KMT2C: variants seen among roughly 807,000 people sequenced by gnomAD.
KMT2C encodes histone-lysine N-methyltransferase 2C.
Under a neutral mutation model 507.9 loss-of-function variants are expected in KMT2C, and 88 were observed. The observed-to-expected ratio is 0.17, with a 90% CI of 0.15 to 0.21. The LOEUF (loss-of-function observed/expected upper bound fraction) is 0.21. KMT2C is among the 10% of genes least tolerant of loss of function. KMT2C has a pLI of 1.00. For missense variants in KMT2C, 4,954 were observed against 5,957.8 expected (o/e 0.83, Z 5.55); for synonymous variants, 2,049 against 2,080.8 (o/e 0.98, Z 0.42).
At chr7:152,397,392 G>A (rs1489280698) in intron 1 of KMT2C, among the ~76,000 whole-genome samples, 4 of 151,976 alleles carry the variant, frequency 2.6e-5, no homozygotes, top group African/African-American at 9.7e-5. Flanking sequence ...ATCTGTCAAG[G>A]TTACTTTCAC....
chr7:152,284,742 A>C (rs2096269241), intron 6 of KMT2C, among the ~76,000 whole-genome samples: 1 of 152,162 alleles, frequency 6.6e-6, no homozygotes. Context: ...AATTGGAAAA[A>C]AATGGTAGAG....
rs267601429 is a variant in KMT2C at position 152,183,024 on chromosome 7, G to C, written c.5215C>G (p.Pro1739Ala). The change falls in exon 35 of 59, where the codon CCT becomes GCT. Residue 1739 changes from proline to alanine, a missense_variant. Physicochemically the swap from Pro to Ala is conservative, Grantham distance 27. This residue lies in a region of KMT2C where 58 missense variants were observed against 63.3 expected (regional missense o/e 0.92). Transcript: ENST00000262189. The part of the protein sequence containing the change: ...SRIDSELFKD[P>A]LKQRESEHEQ... ...TGTTCTGATTCTCTTTGCTTTAAAG[G>C]ATCTTTAAAAAGCTCCGAATCAATA... 2 of 1,608,654 alleles carry C rather than the reference G, an allele frequency of 1.2e-6. No homozygotes were observed. The highest frequency in any genetic ancestry group is 4.5e-5 in the East Asian group (2 of 44,766).
rs766107382 is a variant in KMT2C at position 152,167,227 on chromosome 7, C to G, written c.9669G>C (p.Gly3223=). The G allele has an allele frequency of 1.2e-6, 2 of 1,614,136 alleles. No individual in the cohort carries two copies. The highest frequency in any genetic ancestry group is 4.5e-5 in the East Asian group (2 of 44,882). The change falls in exon 42 of 59, where the codon GGG becomes GGC. Residue 3223 remains glycine (G), a synonymous_variant. Transcript: ENST00000262189. The part of the protein sequence containing the change: ...SAKQRTAKKA[G]REFPEEDAEQ... ...CTGCATCTTCCTCTGGAAATTCACGCCCAGCTTTCTTGGCAGTACGTTGTT... is the reference window on the plus strand; with the variant it reads ...CTGCATCTTCCTCTGGAAATTCACGGCCAGCTTTCTTGGCAGTACGTTGTT...
At chr7:152,309,824 A>G in intron 6 of KMT2C, 142 bp downstream of exon 6, 1 of 597,302 alleles carries the variant, frequency 1.7e-6, no homozygotes, top group East Asian at 3.0e-5. Flanking sequence ...CCTGGCCTAG[A>G]ATTTCTCTTA....
chr7:152,258,805 C>T (rs1588659617), intron 9 of KMT2C, among the ~76,000 whole-genome samples: 2 of 152,268 alleles, frequency 1.3e-5, no homozygotes, highest in South Asian at 2.1e-4. Flanking sequence ...AGATTATAGG[C>T]ATGAGCCACC....
chr7:152,153,704 G>A (rs1374646092), intron 48 of KMT2C, among the ~76,000 whole-genome samples: 2 of 150,436 alleles, frequency 1.3e-5, no homozygotes, highest in Non-Finnish European at 2.9e-5. Flanking sequence ...CTCCAGCCTG[G>A]GCAACAGAAG....
At chr7:152,368,215 C>A in intron 1 of KMT2C, 1 of 887,910 alleles carries the variant, frequency 1.1e-6, no homozygotes, top group Non-Finnish European at 1.9e-6. Context: ...AAGAAATATG[C>A]TGATAAAAAC....
intron 3 of KMT2C, among the ~76,000 whole-genome samples, chr7:152,326,445 A>G (rs2096829348): frequency 6.6e-6 from 1 of 152,132 alleles, no homozygotes; most frequent in South Asian, 2.1e-4. Context: ...AAATATTCTA[A>G]AAAATACCAT....
chr7:152,322,545 C>G (rs1212149091), intron 3 of KMT2C, among the ~76,000 whole-genome samples: 1 of 151,946 alleles, frequency 6.6e-6, no homozygotes, highest in Non-Finnish European at 1.5e-5. Flanking sequence ...TCTCACATAA[C>G]ACAAAAAATC....
intron 6 of KMT2C, among the ~76,000 whole-genome samples, chr7:152,294,437 AG>A (rs1456447599): frequency 6.6e-6 from 1 of 152,232 alleles, no homozygotes; most frequent in African/African-American, 2.4e-5. Flanking sequence ...AGACAGATTA[AG>A]AAGTGAAGAC....
chr7:152,361,906 CATT>C (rs1285790004), intron 1 of KMT2C, among the ~76,000 whole-genome samples: 4 of 152,072 alleles, frequency 2.6e-5, no homozygotes, highest in African/African-American at 9.7e-5. Flanking sequence ...ATAGATGAAA[CATT>C]ATAGTTTGAA....
chr7:152,146,572 A>G (rs201721723), intron 53 of KMT2C, 27 bp downstream of exon 53: 15 of 1,612,110 alleles, frequency 9.3e-6, no homozygotes, highest in African/African-American at 1.3e-5. Context: ...AGCAATTCCA[A>G]TCTCAAAGCC....
intron 1 of KMT2C, among the ~76,000 whole-genome samples, chr7:152,363,575 GGAAA>G: frequency 6.6e-6 from 1 of 152,218 alleles, no homozygotes; most frequent in African/African-American, 2.4e-5. Context: ...GGGAACAAAG[GGAAA>G]GAAACAGGGT....
chr7:152,235,948 G>C lies in KMT2C; in HGVS notation c.2653-15C>G, dbSNP rs113470386. 7.5e-6 allele frequency: 8 copies of C among 1,062,064 alleles called. No homozygotes were observed. Among genetic ancestry groups the C allele is most frequent in the Middle Eastern group, 3.1e-4 (1 of 3,188 alleles). 65.8% of individuals were successfully genotyped at this position (1,062,064 alleles called of 1,614,324 possible). On this transcript the variant is annotated splice_polypyrimidine_tract_variant and intron_variant, in intron 15 of 58. Transcript: ENST00000262189. ...GACCCACGGCCCTATGTAACAGATT[G>C]GGAAAAGTCAACATTCTGTGACAGA... is the stretch of plus-strand genomic sequence containing the variant.
At chr7:152,365,521 CAAACAA>C (rs2097235502) in intron 1 of KMT2C, among the ~76,000 whole-genome samples, 6 of 152,150 alleles carry the variant, frequency 3.9e-5, no homozygotes, top group African/African-American at 1.4e-4. Context: ...AACAAACAAA[CAAACAA>C]ACAGTTAACT....
At chr7:152,219,593 AC>A (rs1391206565) in intron 23 of KMT2C, among the ~76,000 whole-genome samples, 77 of 152,126 alleles carry the variant, frequency 5.1e-4, no homozygotes, top group Middle Eastern at 3.4e-3. Context: ...AAAAAAAAAA[AC>A]AAAAAACTAT....
intron 6 of KMT2C, among the ~76,000 whole-genome samples, chr7:152,294,200 C>T (rs973158252): frequency 2.0e-5 from 3 of 152,164 alleles, no homozygotes; most frequent in Admixed American, 6.5e-5. Context: ...ATATGCCTAA[C>T]GGCATTCCAA....
intron 20 of KMT2C, among the ~76,000 whole-genome samples, chr7:152,223,480 C>T (rs925535302): frequency 2.0e-5 from 3 of 152,014 alleles, no homozygotes; most frequent in African/African-American, 7.2e-5. Context: ...CCTAAACCCT[C>T]AAAAAGGCCT....
chr7:152,427,630 C>T (rs2097831586), intron 1 of KMT2C, among the ~76,000 whole-genome samples: 1 of 152,164 alleles, frequency 6.6e-6, no homozygotes, highest in Non-Finnish European at 1.5e-5. Context: ...GTCCATTTGT[C>T]ATGAGAATAT....
Sources: allele counts gnomAD v4.1 joint callset (sites outside exome capture counted in the v4.1 genomes callset), GRCh38; gene constraint gnomAD v4.1.1; regional missense constraint gnomAD v4.1.1; transcripts MANE v1.5; gene names NCBI Gene and HGNC (gene_info 2026-07-23, HGNC 2026-07-21).